The following ZIM2 variants were observed in gnomAD, a reference collection of about 807,000 sequenced individuals.
ZIM2 encodes the protein zinc finger protein 656.
In ZIM2, 14 loss-of-function variants were observed where a neutral mutation model predicts 38.6. That is an observed-to-expected ratio of 0.36 (90% CI 0.24 to 0.57). The LOEUF (loss-of-function observed/expected upper bound fraction) is 0.57. ZIM2 is among the 20% of genes least tolerant of loss of function. The pLI, the probability that ZIM2 is intolerant of heterozygous loss-of-function variation, is 0.81. For missense variants in ZIM2, 680 were observed against 695.1 expected, an observed-to-expected ratio of 0.98 and a Z score of 0.24; for synonymous variants, 247 against 245.8, an observed-to-expected ratio of 1.00 and a Z score of -0.04.
chr19:56,816,609 G>A (rs1444899031), intron 9 of ZIM2: 2 of 1,613,884 alleles, frequency 1.2e-6, no homozygotes, highest in East Asian at 4.5e-5. Context: ...TAAGGGCTGG[G>A]CTGGGCCTAA....
intron 9 of ZIM2, among the ~76,000 whole-genome samples, chr19:56,790,342 T>C (rs903886277): frequency 6.6e-5 from 10 of 152,240 alleles, no homozygotes; most frequent in African/African-American, 2.2e-4. Context: ...CAGTTTCAGT[T>C]ACCCATGGTC....
intron 9 of ZIM2, among the ~76,000 whole-genome samples, chr19:56,797,693 G>A (rs555660930): frequency 6.6e-6 from 1 of 152,174 alleles, no homozygotes; most frequent in African/African-American, 2.4e-5. Context: ...AAACAAGGTG[G>A]CCTTGGCTGC....
chr19:56,774,817 A>G lies in ZIM2; in HGVS notation c.1548T>C (p.Tyr516=). 6.2e-7 allele frequency: 1 copy of G among 1,614,172 alleles called. No homozygotes were observed. Residue 516 remains tyrosine, a synonymous_variant, in exon 13 of 13, where the codon TAT becomes TAC. Transcript: ENST00000629319. ...AAGGCCTCTCTTGAGTGTGAGTTCT[A>G]TAATGCTGAATGAGATATGAATTCC... The part of the protein sequence containing the change: ...FSRNSYLIQH[Y]RTHTQERPYQ...
chr19:56,795,906 T>A (rs2047197090), intron 9 of ZIM2, among the ~76,000 whole-genome samples: 1 of 152,174 alleles, frequency 6.6e-6, no homozygotes, highest in South Asian at 2.1e-4. Context: ...GGAGAGTTAA[T>A]ATGTTACTTA....
At position 56,775,133 on chromosome 19, in the gene ZIM2, C is replaced by T. The variant is rs2045934019; in HGVS notation, c.1232G>A (p.Gly411Asp). Residue 411 changes from glycine (G) to aspartate (D), a missense_variant, in exon 13 of 13, where the codon GGT (glycine) becomes GAT (aspartate). Physicochemically the swap from Gly to Asp is moderately conservative, Grantham distance 94. Transcript: ENST00000629319. ...HLNRHQKTHS[G>D]RKTSGCNEGR... Reference sequence around the variant, plus strand: ...TTCATTGCAGCCAGAAGTCTTCCTACCAGAATGGGTCTTCTGATGTCTGTT... The same window carrying T: ...TTCATTGCAGCCAGAAGTCTTCCTATCAGAATGGGTCTTCTGATGTCTGTT... The T allele has an allele frequency of 1.2e-6, 2 of 1,614,124 alleles. No homozygotes were observed. Among genetic ancestry groups the T allele is most frequent in the Non-Finnish European group, 1.7e-6 (2 of 1,180,032 alleles).
chr19:56,780,986 G>C (rs1390552314), intron 11 of ZIM2, among the ~76,000 whole-genome samples: 3 of 152,160 alleles, frequency 2.0e-5, no homozygotes, highest in African/African-American at 7.2e-5. Flanking sequence ...AAGAAGCCAA[G>C]GGCTCACAAG....
At chr19:56,810,736 CTGT>C (rs1410224671) in intron 9 of ZIM2, 9 of 984,168 alleles carry the variant, frequency 9.1e-6, no homozygotes, top group Non-Finnish European at 1.1e-5. Context: ...ATATTTAACA[CTGT>C]TATCACAAGC....
At chr19:56,810,190 CA>C (rs2048024356) in intron 9 of ZIM2, 4 of 980,674 alleles carry the variant, frequency 4.1e-6, no homozygotes, top group Non-Finnish European at 3.6e-6. Context: ...GAAAATATAT[CA>C]AGATGTTAAC....
At chr19:56,817,099 C>T in intron 9 of ZIM2, 2 of 1,614,064 alleles carry the variant, frequency 1.2e-6, no homozygotes, top group South Asian at 1.1e-5. Flanking sequence ...TGGCATTGCC[C>T]CAAAATCAAT....
rs1189141002 is a variant in ZIM2 at position 56,814,735 on chromosome 19, T to C, written c.490+3011A>G. 2.5e-6 allele frequency: 4 copies of C among 1,614,026 alleles called. No individual in the cohort carries two copies. Among genetic ancestry groups the C allele is most frequent in the Non-Finnish European group, 3.4e-6 (4 of 1,180,014 alleles). ...CATATGCTCATTAAGGGCAGAGCTA[T>C]GAATGAAGCCTTGTCCACACAAAAG... is the stretch of plus-strand genomic sequence containing the variant. On this transcript the variant is annotated intron_variant, in intron 9 of 12. Coordinates refer to ENST00000629319, the MANE Select transcript of ZIM2 (RefSeq NM_001387356.1). This position sits in a 1 kb window ranked among gnomAD's most constrained non-coding sequence, Gnocchi z 5.8.
Position 56,815,874 on chromosome 19 carries a change from A to T in ZIM2, c.490+1872T>A, listed in dbSNP as rs1361606672. On this transcript the variant is annotated intron_variant, in intron 9 of 12. Transcript: ENST00000629319. ...TATAAATGGAGGATTCTCCCTTCTC[A>T]TTAGATTCCACCAATTCATTTCCAT... The T allele has an allele frequency of 1.9e-6, 3 of 1,613,306 alleles. No homozygotes were observed. The African/African-American group carries it at 4.0e-5, about 22-fold the overall frequency.
At position 56,814,667 on chromosome 19, in the gene ZIM2, C is replaced by T. The variant is rs1323199478; in HGVS notation, c.490+3079G>A. 1 of 1,614,092 alleles carries T rather than the reference C, an allele frequency of 6.2e-7. No homozygotes were observed. The highest frequency in any genetic ancestry group is 1.7e-5 in the Admixed American group (1 of 60,016). On this transcript the variant is annotated intron_variant, in intron 9 of 12. Transcript: ENST00000629319. The surrounding 1 kb of genome is among the most constrained non-coding windows in gnomAD (Gnocchi z 5.8). ...AAGCCTGGAATGATAGCTTCCTCAG[C>T]CATCTGGCTCTGCTCCAGTAAATCA... is the stretch of plus-strand genomic sequence containing the variant.
intron 9 of ZIM2, among the ~76,000 whole-genome samples, chr19:56,800,175 T>C (rs1030359780): frequency 2.0e-5 from 3 of 152,026 alleles, no homozygotes; most frequent in Non-Finnish European, 2.9e-5. Context: ...TATGTTTTGA[T>C]GTATGTAAAT....
intron 9 of ZIM2, among the ~76,000 whole-genome samples, chr19:56,809,263 C>G (rs1026491777): frequency 6.6e-6 from 1 of 152,142 alleles, no homozygotes; most frequent in Non-Finnish European, 1.5e-5. Context: ...ATATAAAGTT[C>G]TAAGAACATG....
At chr19:56,805,059 T>G (rs916275336) in intron 9 of ZIM2, among the ~76,000 whole-genome samples, 3 of 152,162 alleles carry the variant, frequency 2.0e-5, no homozygotes, top group African/African-American at 7.2e-5. Flanking sequence ...TGCAGAACCA[T>G]CCTTCCTCTG....
chr19:56,796,116 A>G (rs1232629535), intron 9 of ZIM2, among the ~76,000 whole-genome samples: 1 of 150,554 alleles, frequency 6.6e-6, no homozygotes, highest in Non-Finnish European at 1.5e-5. Flanking sequence ...AGAAATGTAT[A>G]TGTATATGTG....
chr19:56,835,466 C>T (rs1053269988), intron 2 of ZIM2, among the ~76,000 whole-genome samples: 6 of 152,174 alleles, frequency 3.9e-5, no homozygotes, highest in African/African-American at 9.7e-5. Flanking sequence ...CCCCATGACA[C>T]ACACCATTCA....
chr19:56,837,951 T>C lies in ZIM2; in HGVS notation c.-313-1847A>G, dbSNP rs2062375142. 2.6e-5 allele frequency among the ~76,000 whole-genome samples: 4 copies of C among 152,340 alleles called. No homozygotes were observed. In the South Asian group the frequency reaches 8.3e-4, roughly 32 times the overall value. ...CCGCCACATTGAATGCCGGCTGCTC[T>C]ATCAGACAAGACACACATGCTATGG... On this transcript the variant is annotated intron_variant, in intron 1 of 12. Coordinates refer to ENST00000629319, the MANE Select transcript of ZIM2 (RefSeq NM_001387356.1).
At chr19:56,822,938 C>T (rs2060640392) in intron 5 of ZIM2, 102 bp from the exon 6 acceptor site, 9 of 1,463,216 alleles carry the variant, frequency 6.2e-6, no homozygotes, top group Non-Finnish European at 8.4e-6. Context: ...CTACCCTCTT[C>T]CCACAAGGAG....
Sources: allele counts gnomAD v4.1 joint callset (sites outside exome capture counted in the v4.1 genomes callset), GRCh38; gene constraint gnomAD v4.1.1; non-coding constraint Gnocchi (gnomAD v3.1); transcripts MANE v1.5; gene names NCBI Gene and HGNC (gene_info 2026-07-23, HGNC 2026-07-21).